The following PCMTD1 variants were observed in gnomAD, a reference collection of about 807,000 sequenced individuals.
PCMTD1 encodes protein-L-isoaspartate O-methyltransferase domain-containing protein 1.
PCMTD1 carries 12 observed loss-of-function variants against 37.6 expected under a neutral mutation model. That is an observed-to-expected ratio of 0.32 (90% CI 0.20 to 0.52). PCMTD1 has a LOEUF of 0.52. Ranked by LOEUF, PCMTD1 falls within the 20% of genes least tolerant of loss-of-function variation. PCMTD1 has a pLI of 0.97. For missense variants in PCMTD1, 235 were observed against 421.3 expected (o/e 0.56, Z 3.87); for synonymous variants, 117 against 135.8 (o/e 0.86, Z 0.96).
In PCMTD1 at chr8:51,853,203, G is replaced by A. The variant is rs372908001; in HGVS notation, c.308-7440C>T. 6.0e-4 allele frequency among the ~76,000 whole-genome samples: 91 copies of A among 152,272 alleles called. 1 individual carries two copies. Among genetic ancestry groups the A allele is most frequent in the African/African-American group, 1.8e-3 (74 of 41,560 alleles). The stretch of plus-strand genomic sequence containing the variant: ...AATCCAAGGAAACAATTTTTGGCAA[G>A]GGTGTAGGAGGGTAGATGGACTGAC... On this transcript the variant is annotated intron_variant, in intron 2 of 5. Coordinates refer to ENST00000522514, the MANE Select transcript of PCMTD1 (RefSeq NM_052937.4).
chr8:51,855,436 G>C (rs1355790828), intron 2 of PCMTD1, among the ~76,000 whole-genome samples: 1 of 150,696 alleles, frequency 6.6e-6, no homozygotes, highest in Non-Finnish European at 1.5e-5. Flanking sequence ...AGGAGGCTGA[G>C]GCAGGAGAAT....
At chr8:51,865,064 C>T (rs2038531135) in intron 1 of PCMTD1, among the ~76,000 whole-genome samples, 1 of 152,060 alleles carries the variant, frequency 6.6e-6, no homozygotes, top group Admixed American at 6.6e-5. Context: ...AACAATTATC[C>T]ACCAACAAAT....
intron 5 of PCMTD1, among the ~76,000 whole-genome samples, chr8:51,830,149 C>T (rs1307831135): frequency 6.6e-6 from 1 of 152,112 alleles, no homozygotes; most frequent in African/African-American, 2.4e-5. Context: ...GCCCCTCCTT[C>T]GCTAATCCAT....
chr8:51,875,577 A>T (rs976648870), intron 1 of PCMTD1, among the ~76,000 whole-genome samples: 1 of 152,228 alleles, frequency 6.6e-6, no homozygotes, highest in East Asian at 1.9e-4. Context: ...TATGTTCATT[A>T]TAAGTCATAG....
intron 2 of PCMTD1, among the ~76,000 whole-genome samples, chr8:51,847,962 T>G (rs1585809772): frequency 6.6e-6 from 1 of 152,040 alleles, no homozygotes; most frequent in South Asian, 2.1e-4. Flanking sequence ...ATGCCTGTAA[T>G]CCCAGCTACT....
intron 2 of PCMTD1, among the ~76,000 whole-genome samples, chr8:51,855,922 C>A (rs2038381749): frequency 6.6e-6 from 1 of 152,078 alleles, no homozygotes. Context: ...CCCGCCTTGG[C>A]CTCCCAAAGT....
Position 51,859,635 on chromosome 8 carries a change from G to A in PCMTD1, c.307+1210C>T, listed in dbSNP as rs115444427. Among the ~76,000 whole-genome samples, 326 of 152,126 alleles carry A rather than the reference G, an allele frequency of 2.1e-3. 1 individual carries two copies. The highest frequency in any genetic ancestry group is 7.4e-3 in the African/African-American group (308 of 41,510). On this transcript the variant is annotated intron_variant, in intron 2 of 5. Transcript: ENST00000522514. ...CTGACTATACCTTAAAAGTCATAAT[G>A]TGACCACATAATTTATTGTCCAAAC...
chr8:51,883,902 C>G (rs1176700558), intron 1 of PCMTD1, among the ~76,000 whole-genome samples: 1 of 152,090 alleles, frequency 6.6e-6, no homozygotes, highest in Non-Finnish European at 1.5e-5. Flanking sequence ...TAAACCCAAA[C>G]AAAATAGGCA....
intron 1 of PCMTD1, among the ~76,000 whole-genome samples, chr8:51,897,096 T>C (rs1336760897): frequency 6.6e-6 from 1 of 152,210 alleles, no homozygotes; most frequent in Non-Finnish European, 1.5e-5. Context: ...GCTTAAAATT[T>C]CAGGCTATGC....
At chr8:51,899,046 G>C (rs1204623419), upstream of PCMTD1, 17 of 1,507,758 alleles carry the variant, frequency 1.1e-5, no homozygotes, top group Non-Finnish European at 1.5e-5. Context: ...TGGAGAGGCG[G>C]GGCCCGGACC....
chr8:51,837,116 A>G (rs548787055), intron 3 of PCMTD1, among the ~76,000 whole-genome samples: 58 of 152,210 alleles, frequency 3.8e-4, no homozygotes, highest in Non-Finnish European at 8.2e-4. Flanking sequence ...TCTAGTAAAC[A>G]ACATGAATGT....
At chr8:51,864,703 T>C (rs1428524278) in intron 1 of PCMTD1, among the ~76,000 whole-genome samples, 1 of 152,098 alleles carries the variant, frequency 6.6e-6, no homozygotes, top group African/African-American at 2.4e-5. Flanking sequence ...ACTTATGAGA[T>C]GCATCAAAAG....
At chr8:51,894,581 CACTG>C (rs1160035911) in intron 1 of PCMTD1, among the ~76,000 whole-genome samples, 1 of 152,204 alleles carries the variant, frequency 6.6e-6, no homozygotes, top group African/African-American at 2.4e-5. Context: ...GGATTCAGCA[CACTG>C]ACTGACATAA....
chr8:51,831,295 CCAA>C, intron 5 of PCMTD1, 146 bp downstream of exon 5: 1 of 679,008 alleles, frequency 1.5e-6, no homozygotes, highest in East Asian at 3.4e-5. Flanking sequence ...AAGACTGTCT[CCAA>C]AAAAAAAAAA....
chr8:51,843,247 C>T (rs2038173041), intron 3 of PCMTD1, among the ~76,000 whole-genome samples: 1 of 151,558 alleles, frequency 6.6e-6, no homozygotes. Context: ...AAACATTTCC[C>T]TAGTACCTAC....
rs1224098956 is a variant in PCMTD1 at position 51,860,863 on chromosome 8, T to C, written c.289A>G (p.Met97Val). The C allele has an allele frequency of 1.2e-6, 2 of 1,610,440 alleles. No individual in the cohort carries two copies. The highest frequency in any genetic ancestry group is 2.2e-5 in the South Asian group (2 of 90,750). Reference protein sequence around the residue: ...LGSGTGYLSTMVGLILGPFGI... With the variant: ...LGSGTGYLSTVVGLILGPFGI... ...AAATTACCTAAAATTAAGCCCACCA[T>C]TGTACTTAAATATCCGGTTCCACTT... The change falls in exon 2 of 6, where the codon ATG becomes GTG. Residue 97 changes from methionine to valine, a missense_variant. Met to Val is a conservative substitution (Grantham distance 21). Transcript: ENST00000522514.
At chr8:51,846,455 G>T (rs1034597875) in intron 2 of PCMTD1, among the ~76,000 whole-genome samples, 3 of 152,158 alleles carry the variant, frequency 2.0e-5, no homozygotes, top group African/African-American at 7.2e-5. Flanking sequence ...CTGAAAATAC[G>T]AGGACTCAGT....
At chr8:51,898,796 C>A in intron 1 of PCMTD1, 134 bp downstream of exon 1, 1 of 900,444 alleles carries the variant, frequency 1.1e-6, no homozygotes, top group Non-Finnish European at 1.5e-6. Context: ...CCCTTAAGTC[C>A]CCCTGCCCCC....
intron 2 of PCMTD1, chr8:51,849,930 C>A: frequency 1.6e-6 from 1 of 634,882 alleles, no homozygotes; most frequent in East Asian, 2.7e-5. Context: ...GAGTTCCACA[C>A]TGCATTTGAA....
Sources: allele counts gnomAD v4.1 joint callset (sites outside exome capture counted in the v4.1 genomes callset), GRCh38; gene constraint gnomAD v4.1.1; transcripts MANE v1.5; gene names NCBI Gene and HGNC (gene_info 2026-07-23, HGNC 2026-07-21).